COG3: variants seen among roughly 807,000 people sequenced by gnomAD.
COG3 encodes the protein conserved oligomeric Golgi complex subunit 3.
COG3 carries 32 observed loss-of-function variants against 114.1 expected under a neutral mutation model. The ratio of observed to expected loss-of-function variants is 0.28; its 90% confidence interval spans 0.21 to 0.38. The LOEUF is 0.38. Among genes scored for constraint, COG3 ranks in the 10% least tolerant of loss-of-function variants. The pLI, the probability that COG3 is intolerant of heterozygous loss-of-function variation, is 1.00. For missense variants in COG3, 813 were observed against 973.2 expected, an observed-to-expected ratio of 0.84 and a Z score of 2.19; for synonymous variants, 352 against 365.7, an observed-to-expected ratio of 0.96 and a Z score of 0.43.
chr13:45,515,125 C>T (rs1346524309), intron 16 of COG3, among the ~76,000 whole-genome samples: 7 of 152,152 alleles, frequency 4.6e-5, no homozygotes, highest in Admixed American at 4.6e-4. Context: ...CTATATGATA[C>T]AATTTTTGGC....
chr13:45,512,377 G>A (rs1242603515), intron 16 of COG3, among the ~76,000 whole-genome samples: 2 of 152,098 alleles, frequency 1.3e-5, no homozygotes, highest in Non-Finnish European at 2.9e-5. Context: ...TGTCTCCCTG[G>A]CTGAAGTGCA....
At chr13:45,475,356 C>T (rs1031258308) in intron 1 of COG3, among the ~76,000 whole-genome samples, 3 of 151,962 alleles carry the variant, frequency 2.0e-5, no homozygotes, top group African/African-American at 4.8e-5. Context: ...GCCACCACAC[C>T]CAGCTAATTT....
chr13:45,534,433 T>C (rs770417093), intron 22 of COG3: 1 of 319,606 alleles, frequency 3.1e-6, no homozygotes, highest in South Asian at 9.8e-5. Context: ...TTTATAGCCA[T>C]GTTTACTGGT....
At chr13:45,495,670 G>A (rs1283417203) in intron 12 of COG3, among the ~76,000 whole-genome samples, 1 of 152,178 alleles carries the variant, frequency 6.6e-6, no homozygotes, top group African/African-American at 2.4e-5. Context: ...GTGAGCCACT[G>A]CGCCTTGCTG....
At chr13:45,467,078 C>G (rs1215369655) in intron 1 of COG3, among the ~76,000 whole-genome samples, 1 of 152,124 alleles carries the variant, frequency 6.6e-6, no homozygotes, top group Admixed American at 6.5e-5. Flanking sequence ...GAGGTGTGCC[C>G]TTTTAGAGAA....
chr13:45,522,704 A>G (rs1872290795), intron 19 of COG3, among the ~76,000 whole-genome samples: 2 of 152,308 alleles, frequency 1.3e-5, no homozygotes, highest in African/African-American at 4.8e-5. Context: ...ACCTCTAAGT[A>G]TTTGGCCTGA....
chr13:45,490,166 G>A (rs1423908811), intron 8 of COG3, among the ~76,000 whole-genome samples: 1 of 152,206 alleles, frequency 6.6e-6, no homozygotes, highest in Non-Finnish European at 1.5e-5. Flanking sequence ...TAAGGTCAGT[G>A]CTTCTGAGGA....
chr13:45,528,694 T>C (rs1227174813), intron 20 of COG3, among the ~76,000 whole-genome samples: 3 of 152,210 alleles, frequency 2.0e-5, no homozygotes, highest in Admixed American at 2.0e-4. Context: ...ATTTCACTTC[T>C]TATATATCTT....
chr13:45,474,310 A>G (rs2137782874), intron 1 of COG3, among the ~76,000 whole-genome samples: 1 of 151,812 alleles, frequency 6.6e-6, no homozygotes, highest in East Asian at 1.9e-4. Flanking sequence ...GGCGCCTGCC[A>G]CCATGCCCGG....
intron 2 of COG3, among the ~76,000 whole-genome samples, chr13:45,478,592 A>G (rs2985942): frequency 0.9 from 136,000 of 151,900 alleles, 60,997 homozygotes; most frequent in African/African-American, 0.92. Context: ...GGGTTCAAGC[A>G]ATTCTCCTGC....
chr13:45,509,909 A>G, intron 15 of COG3, 93 bp downstream of exon 15: 1 of 1,266,760 alleles, frequency 7.9e-7, no homozygotes, highest in Admixed American at 2.3e-5. Context: ...TTTGTTGGAT[A>G]TTCTTAAAAT....
intron 13 of COG3, among the ~76,000 whole-genome samples, chr13:45,496,637 G>A (rs1041966287): frequency 3.3e-5 from 5 of 152,092 alleles, no homozygotes; most frequent in African/African-American, 1.2e-4. Context: ...ATTAAAAATA[G>A]TTTGTTAGGT....
chr13:45,465,355 C>T (rs1885069988), intron 1 of COG3, 145 bp downstream of exon 1: 2 of 1,302,930 alleles, frequency 1.5e-6, no homozygotes, highest in East Asian at 2.7e-5. Flanking sequence ...GTGGGAGGGG[C>T]CTCATCTCCC....
intron 2 of COG3, among the ~76,000 whole-genome samples, chr13:45,478,643 T>G (rs1317992095): frequency 1.3e-5 from 2 of 151,690 alleles, no homozygotes; most frequent in African/African-American, 4.8e-5. Flanking sequence ...CATGTGCCAC[T>G]ACGCCTGGCT....
intron 8 of COG3, among the ~76,000 whole-genome samples, chr13:45,489,441 T>G (rs1418455774): frequency 6.6e-6 from 1 of 152,046 alleles, no homozygotes; most frequent in Non-Finnish European, 1.5e-5. Flanking sequence ...ATTGATTGCT[T>G]TTGCTTATTA....
In COG3 at chr13:45,519,019, G is replaced by T; in HGVS notation, c.2079G>T (p.Leu693=). 6.2e-7 allele frequency: 1 copy of T among 1,614,198 alleles called. No individual in the cohort carries two copies. Among genetic ancestry groups the T allele is most frequent in the South Asian group, 1.1e-5 (1 of 91,084 alleles). Residue 693 remains leucine, a synonymous_variant, in exon 19 of 23, where the codon CTG becomes CTT. Transcript: ENST00000349995. ...CTAAAAAAGACGTAGACCGTCATCT[G>T]AAATCGGCCTGTGAGCAGTTTATTC... ...LDSKKDVDRH[L]KSACEQFIQQ...
chr13:45,507,658 G>A (rs549897070), intron 14 of COG3, among the ~76,000 whole-genome samples: 5 of 151,378 alleles, frequency 3.3e-5, no homozygotes, highest in East Asian at 2.0e-4. Flanking sequence ...CCAGCTACTC[G>A]GGAGGCTGAG....
intron 20 of COG3, among the ~76,000 whole-genome samples, chr13:45,526,088 T>TC (rs2137921703): frequency 9.2e-6 from 1 of 109,272 alleles, no homozygotes; most frequent in Admixed American, 9.9e-5. Context: ...TTTTTTTTTT[T>TC]TTTTTTTTTT....
intron 3 of COG3, 131 bp from the exon 4 acceptor site, chr13:45,479,994 C>A: frequency 1.6e-6 from 1 of 641,044 alleles, no homozygotes; most frequent in Non-Finnish European, 2.7e-6. Context: ...TTAACATAAT[C>A]AACTTATGTG....
Sources: gnomAD v4.1 joint callset for allele counts (sites outside exome capture counted in the v4.1 genomes callset) on GRCh38, gnomAD v4.1.1 for gene constraint, MANE v1.5 for transcripts, NCBI Gene and HGNC (gene_info 2026-07-23, HGNC 2026-07-21) for gene names.